Variants in FRMD4A observed in about 807,000 individuals in gnomAD.
FRMD4A encodes FERM domain containing 4A.
FRMD4A carries 29 observed loss-of-function variants against 129.1 expected under a neutral mutation model. The ratio of observed to expected loss-of-function variants is 0.22; its 90% CI spans 0.17 to 0.31. The LOEUF is 0.31. FRMD4A is among the 10% of genes least tolerant of loss of function. The probability of loss-of-function intolerance (pLI) is 1.00; values close to 1 mark genes in which losing one functional copy is unlikely to be tolerated. For missense variants in FRMD4A, 1,272 were observed against 1,375.8 expected (o/e 0.92, Z 1.19); for synonymous variants, 634 against 571.6 (o/e 1.11, Z -1.56).
intron 8 of FRMD4A, among the ~76,000 whole-genome samples, chr10:13,754,007 G>A (rs2091748794): frequency 6.6e-6 from 1 of 152,076 alleles, no homozygotes; most frequent in South Asian, 2.1e-4. Context: ...TGTTTCATAA[G>A]TCTACAATTT....
chr10:13,783,157 C>T (rs754248937), intron 5 of FRMD4A, 151 bp from the exon 6 acceptor site: 9 of 605,638 alleles, frequency 1.5e-5, no homozygotes, highest in Non-Finnish European at 2.1e-5. Flanking sequence ...TTCTATGATT[C>T]CCTAGGGAGG....
intron 12 of FRMD4A, among the ~76,000 whole-genome samples, chr10:13,723,443 G>A (rs2089627991): frequency 6.6e-6 from 1 of 152,162 alleles, no homozygotes; most frequent in African/African-American, 2.4e-5. Flanking sequence ...CCCAGCAGAT[G>A]GGGGGAGAGA....
intron 2 of FRMD4A, among the ~76,000 whole-genome samples, chr10:14,160,731 A>G (rs1311029517): frequency 6.6e-6 from 1 of 152,158 alleles, no homozygotes; most frequent in Non-Finnish European, 1.5e-5. Context: ...GCCAATCAAA[A>G]CCCATTCAGT....
chr10:13,884,216 A>ACACTCACT (rs761613618), intron 2 of FRMD4A, among the ~76,000 whole-genome samples: 1 of 125,644 alleles, frequency 8.0e-6, no homozygotes, highest in Non-Finnish European at 1.8e-5. Flanking sequence ...ACTCACACAC[A>ACACTCACT]CACACACACA....
intron 2 of FRMD4A, among the ~76,000 whole-genome samples, chr10:14,127,158 G>A (rs1250321950): frequency 6.6e-6 from 1 of 152,192 alleles, no homozygotes; most frequent in African/African-American, 2.4e-5. Context: ...CCTGGGAAGT[G>A]TTACCTGAAC....
At chr10:14,133,365 A>G (rs192794865) in intron 2 of FRMD4A, among the ~76,000 whole-genome samples, 1 of 152,196 alleles carries the variant, frequency 6.6e-6, no homozygotes, top group African/African-American at 2.4e-5. Flanking sequence ...AAAAGTACCA[A>G]AATAATTACT....
intron 2 of FRMD4A, among the ~76,000 whole-genome samples, chr10:14,165,077 T>A (rs1841103540): frequency 6.6e-6 from 1 of 152,096 alleles, no homozygotes; most frequent in Non-Finnish European, 1.5e-5. Flanking sequence ...ATAGACAACC[T>A]ATAGAATAGG....
At chr10:13,778,085 G>A (rs557673686) in intron 6 of FRMD4A, among the ~76,000 whole-genome samples, 1 of 152,240 alleles carries the variant, frequency 6.6e-6, no homozygotes, top group East Asian at 1.9e-4. Context: ...ACAGGCGTGG[G>A]CCGGGGACAA....
At chr10:13,772,592 C>T (rs1470779632) in intron 6 of FRMD4A, among the ~76,000 whole-genome samples, 2 of 152,178 alleles carry the variant, frequency 1.3e-5, no homozygotes, top group Admixed American at 6.5e-5. Context: ...TCTTTGTGTC[C>T]TATAGTTCAC....
At chr10:13,721,730 A>G (rs2089429483) in intron 12 of FRMD4A, among the ~76,000 whole-genome samples, 1 of 152,132 alleles carries the variant, frequency 6.6e-6, no homozygotes. Flanking sequence ...CTGTTCTTCT[A>G]CCTCGGGGAT....
intron 8 of FRMD4A, among the ~76,000 whole-genome samples, chr10:13,757,018 T>C (rs943872094): frequency 9.2e-5 from 14 of 152,244 alleles, no homozygotes; most frequent in Admixed American, 2.6e-4. Flanking sequence ...AAAACATCAG[T>C]GCTCCATTCT....
intron 2 of FRMD4A, among the ~76,000 whole-genome samples, chr10:13,988,892 CT>C (rs2095592769): frequency 6.6e-6 from 1 of 152,180 alleles, no homozygotes; most frequent in Non-Finnish European, 1.5e-5. Flanking sequence ...TCAAAATGCC[CT>C]TTATAGGCTC....
Position 14,050,847 on chromosome 10 carries a change from T to C in FRMD4A, c.46-191935A>G, listed in dbSNP as rs117886509. On this transcript the variant is annotated intron_variant, in intron 2 of 24. Coordinates refer to ENST00000357447, the MANE Select transcript of FRMD4A (RefSeq NM_018027.5). ...ACGCCCTCCCGCATGCCCTGCCCAG[T>C]GCACCTCTTCCATTTGGCTGCTTCT... Among the ~76,000 whole-genome samples, 580 of 152,316 alleles carry C rather than the reference T, an allele frequency of 3.8e-3. 2 individuals carry two copies. Among genetic ancestry groups the C allele is most frequent in the Non-Finnish European group, 6.9e-3 (467 of 68,024 alleles).
intron 4 of FRMD4A, among the ~76,000 whole-genome samples, chr10:13,802,767 C>G (rs549566743): frequency 6.6e-6 from 1 of 152,078 alleles, no homozygotes; most frequent in Non-Finnish European, 1.5e-5. Context: ...AGTCACCACA[C>G]GTGGCCAAGT....
rs1054782233 is a variant in FRMD4A, at chr10:14,123,286, C to T, written c.45+206772G>A. On this transcript the variant is annotated intron_variant, in intron 2 of 24. Transcript: ENST00000357447. ...CTGTTAGTTCGAACCAGTCCTGTTC[C>T]CAAGACTCCCTGCAGGCACAGGCTT... Among the ~76,000 whole-genome samples, 5 of 152,276 alleles carry T rather than the reference C, an allele frequency of 3.3e-5. No individual in the cohort carries two copies. The East Asian group carries it at 9.7e-4, about 29-fold the overall frequency.
intron 2 of FRMD4A, among the ~76,000 whole-genome samples, chr10:14,085,541 G>A (rs1404510528): frequency 6.6e-6 from 1 of 152,214 alleles, no homozygotes; most frequent in Non-Finnish European, 1.5e-5. Context: ...GACGGAACGG[G>A]TCTCAGAAGC....
At chr10:14,000,667 A>AAAAAAAAAAAAAAG (rs200369296) in intron 2 of FRMD4A, among the ~76,000 whole-genome samples, 11 of 106,822 alleles carry the variant, frequency 1.0e-4, no homozygotes, top group Non-Finnish European at 1.2e-4. Context: ...AAAAAAAAAA[A>AAAAAAAAAAAAAAG]AGAGAAGAAA....
chr10:14,283,573 GT>G (rs1845589903), intron 2 of FRMD4A, among the ~76,000 whole-genome samples: 1 of 152,164 alleles, frequency 6.6e-6, no homozygotes. Context: ...GATTGGCTCT[GT>G]TTATTGGTAT....
At chr10:14,068,420 G>A (rs1835162575) in intron 2 of FRMD4A, among the ~76,000 whole-genome samples, 1 of 152,196 alleles carries the variant, frequency 6.6e-6, no homozygotes, top group Admixed American at 6.5e-5. Flanking sequence ...ATCTAAGTGT[G>A]AAGTAGAAAG....
Sources: gnomAD v4.1 joint callset for allele counts (sites outside exome capture counted in the v4.1 genomes callset) on GRCh38, gnomAD v4.1.1 for gene constraint, MANE v1.5 for transcripts, NCBI Gene and HGNC (gene_info 2026-07-23, HGNC 2026-07-21) for gene names.